ARID5B: variants seen among roughly 807,000 people sequenced by gnomAD.
ARID5B encodes the protein AT-rich interaction domain 5B, also known as AT-rich interactive domain-containing protein 5B.
A neutral mutation model predicts 97.2 loss-of-function variants in ARID5B; 13 were observed. The ratio of observed to expected loss-of-function variants is 0.13; its 90% CI spans 0.09 to 0.21. The LOEUF (loss-of-function observed/expected upper bound fraction) is 0.21. Among genes scored for constraint, ARID5B ranks in the 10% least tolerant of loss-of-function variants. The pLI is 1.00. For missense variants in ARID5B, 1,210 were observed against 1,465.3 expected (o/e 0.83, Z 2.84); for synonymous variants, 556 against 570.3 (o/e 0.97, Z 0.36).
intron 4 of ARID5B, among the ~76,000 whole-genome samples, chr10:62,035,970 G>A (rs1839558389): frequency 6.6e-6 from 1 of 151,846 alleles, no homozygotes; most frequent in Non-Finnish European, 1.5e-5. Context: ...GATTACAGGC[G>A]CCCGCCACCA....
intron 7 of ARID5B, among the ~76,000 whole-genome samples, chr10:62,065,617 G>C (rs1032192782): frequency 6.6e-6 from 1 of 152,112 alleles, no homozygotes; most frequent in Non-Finnish European, 1.5e-5. Flanking sequence ...AGGCCAAGAT[G>C]GGCGGATCAC....
intron 3 of ARID5B, among the ~76,000 whole-genome samples, chr10:61,943,918 G>A (rs186587432): frequency 7.7e-4 from 117 of 151,998 alleles, no homozygotes; most frequent in African/African-American, 2.7e-3. Context: ...GACAATATTT[G>A]AGGATGTCAT....
At chr10:62,029,435 T>C (rs1839466308) in intron 4 of ARID5B, among the ~76,000 whole-genome samples, 1 of 152,228 alleles carries the variant, frequency 6.6e-6, no homozygotes, top group Non-Finnish European at 1.5e-5. Context: ...GACATTGTCT[T>C]TGATTGGAAT....
At chr10:62,027,335 G>A (rs1410517982) in intron 4 of ARID5B, among the ~76,000 whole-genome samples, 1 of 79,874 alleles carries the variant, frequency 1.3e-5, no homozygotes, top group Non-Finnish European at 2.3e-5. Flanking sequence ...TTGAGACTGA[G>A]TCTTGCTCTG....
chr10:61,988,936 C>CTTTTTTTTTTTTTTTTTT (rs61016394), intron 3 of ARID5B, among the ~76,000 whole-genome samples: 6 of 122,262 alleles, frequency 4.9e-5, no homozygotes, highest in Non-Finnish European at 8.1e-5. Context: ...TTTTCTTTTA[C>CTTTTTTTTTTTTTTTTTT]TTTTTTTTTT....
Position 62,050,850 on chromosome 10 carries a change from G to A in ARID5B, c.734-38G>A, listed in dbSNP as rs1302088456. 3.2e-6 allele frequency: 5 copies of A among 1,555,768 alleles called. No homozygotes were observed. The African/African-American group carries it at 4.1e-5, about 13-fold the overall frequency. On this transcript the variant is annotated intron_variant, in intron 4 of 9. Coordinates refer to ENST00000279873, the MANE Select transcript of ARID5B (RefSeq NM_032199.3). ...GTCTTTAATAAAGAAACCCATGCAAGTGAAAATGTATATCAATTGTTTTCC... is the reference window on the plus strand; with the variant it reads ...GTCTTTAATAAAGAAACCCATGCAAATGAAAATGTATATCAATTGTTTTCC...
chr10:62,005,855 A>T (rs1343424924), intron 4 of ARID5B, among the ~76,000 whole-genome samples: 1 of 152,228 alleles, frequency 6.6e-6, no homozygotes, highest in Non-Finnish European at 1.5e-5. Flanking sequence ...GTAAGTGAGT[A>T]AACATTTTTT....
At chr10:62,088,332 A>G (rs1418103792) in intron 9 of ARID5B, among the ~76,000 whole-genome samples, 1 of 152,222 alleles carries the variant, frequency 6.6e-6, no homozygotes, top group African/African-American at 2.4e-5. Context: ...TATGTACACA[A>G]AACACCAGGG....
At chr10:61,965,516 T>C (rs771709384) in intron 3 of ARID5B, among the ~76,000 whole-genome samples, 1 of 152,184 alleles carries the variant, frequency 6.6e-6, no homozygotes, top group African/African-American at 2.4e-5. Flanking sequence ...TACTCTGTCA[T>C]GTAGATGAGT....
At chr10:61,915,156 T>A (rs1843879358) in intron 2 of ARID5B, among the ~76,000 whole-genome samples, 4 of 152,178 alleles carry the variant, frequency 2.6e-5, no homozygotes, top group Admixed American at 2.6e-4. Flanking sequence ...ACATAGCGCC[T>A]TTCTCACATT....
At chr10:62,066,171 C>T (rs1447165297) in intron 7 of ARID5B, among the ~76,000 whole-genome samples, 12 of 152,120 alleles carry the variant, frequency 7.9e-5, no homozygotes, top group Admixed American at 2.6e-4. Context: ...ATACAGAAGG[C>T]GGATTTACAT....
chr10:61,987,703 A>G, intron 3 of ARID5B, among the ~76,000 whole-genome samples: 1 of 152,278 alleles, frequency 6.6e-6, no homozygotes, highest in East Asian at 1.9e-4. Context: ...CTATGTTGTA[A>G]TAAAACTTTA....
chr10:62,070,381 A>G (rs1000490173), intron 8 of ARID5B, among the ~76,000 whole-genome samples: 3 of 152,330 alleles, frequency 2.0e-5, no homozygotes, highest in South Asian at 4.1e-4. Context: ...ACTATGTTGC[A>G]TCCACAGGAG....
At chr10:62,032,669 C>T (rs1457197287) in intron 4 of ARID5B, among the ~76,000 whole-genome samples, 1 of 152,082 alleles carries the variant, frequency 6.6e-6, no homozygotes, top group African/African-American at 2.4e-5. Flanking sequence ...GAGCCAAGAT[C>T]GTGCCACTGC....
chr10:61,913,419 G>T (rs146279078), intron 2 of ARID5B, among the ~76,000 whole-genome samples: 544 of 152,334 alleles, frequency 3.6e-3, no homozygotes, highest in African/African-American at 0.012. Context: ...AGACTGAGAA[G>T]AACAAATCCA....
chr10:61,996,500 G>A (rs766590588), intron 3 of ARID5B, among the ~76,000 whole-genome samples: 22 of 152,104 alleles, frequency 1.4e-4, no homozygotes, highest in Non-Finnish European at 2.6e-4. Flanking sequence ...GGTCCAGCCT[G>A]AAGAACAGAG....
At chr10:61,929,943 T>C (rs1265952196) in intron 2 of ARID5B, among the ~76,000 whole-genome samples, 2 of 152,252 alleles carry the variant, frequency 1.3e-5, no homozygotes, top group Non-Finnish European at 2.9e-5. Flanking sequence ...TTCTTACAAG[T>C]AAGTCAAAGG....
chr10:61,912,983 C>T (rs182861600), intron 2 of ARID5B, among the ~76,000 whole-genome samples: 312 of 152,314 alleles, frequency 2.0e-3, no homozygotes, highest in Non-Finnish European at 3.4e-3. Flanking sequence ...TAGCCAGATA[C>T]AGTATCAGAG....
intron 3 of ARID5B, among the ~76,000 whole-genome samples, chr10:61,995,833 C>T (rs935848656): frequency 1.3e-5 from 2 of 152,146 alleles, no homozygotes; most frequent in African/African-American, 2.4e-5. Flanking sequence ...CTCAAGGTCT[C>T]GTGGGCTTTC....
Sources: gnomAD v4.1 joint callset for allele counts (sites outside exome capture counted in the v4.1 genomes callset) on GRCh38, gnomAD v4.1.1 for gene constraint, MANE v1.5 for transcripts, NCBI Gene and HGNC (gene_info 2026-07-23, HGNC 2026-07-21) for gene names.